The following DTNB variants were observed in gnomAD, a reference collection of about 807,000 sequenced individuals.
DTNB encodes DTN-B.
DTNB carries 63 observed loss-of-function variants against 90.7 expected under a neutral mutation model. The ratio of observed to expected loss-of-function variants is 0.69; its 90% CI spans 0.57 to 0.86. The LOEUF is 0.86. DTNB is among the 40% of genes least tolerant of loss of function. The pLI, the probability that DTNB is intolerant of heterozygous loss-of-function variation, is 0.00. For synonymous variants in DTNB, 277 were observed against 286.7 expected (o/e 0.97, Z 0.34); for missense variants, 744 against 807.1 (o/e 0.92, Z 0.95).
At chr2:25,601,861 C>T (rs2065953653) in intron 5 of DTNB, among the ~76,000 whole-genome samples, 2 of 152,116 alleles carry the variant, frequency 1.3e-5, no homozygotes, top group Admixed American at 6.5e-5. Context: ...GTGGCTCATG[C>T]CTGTAATTCT....
At chr2:25,448,928 T>C (rs1056455381) in intron 12 of DTNB, among the ~76,000 whole-genome samples, 1 of 151,776 alleles carries the variant, frequency 6.6e-6, no homozygotes, top group African/African-American at 2.4e-5. Context: ...CCCACACCCC[T>C]ATTGAAATGT....
intron 14 of DTNB, 197 bp from the exon 15 acceptor site, chr2:25,427,828 A>G (rs2052372285): frequency 4.4e-6 from 2 of 452,986 alleles, no homozygotes; most frequent in Middle Eastern, 3.1e-4. Context: ...AATAATAGGT[A>G]AAAGTGCTTT....
chr2:25,473,601 A>T (rs1271151822), intron 10 of DTNB, among the ~76,000 whole-genome samples: 1 of 152,196 alleles, frequency 6.6e-6, no homozygotes, highest in Non-Finnish European at 1.5e-5. Flanking sequence ...TATGCATGTC[A>T]GGTTCTACTG....
intron 2 of DTNB, among the ~76,000 whole-genome samples, chr2:25,648,150 T>C (rs1225464032): frequency 6.6e-6 from 1 of 152,124 alleles, no homozygotes; most frequent in Non-Finnish European, 1.5e-5. Flanking sequence ...GGCACCAGAG[T>C]TGAGGATTAC....
rs2074784438 is a variant in DTNB, at chr2:25,628,102, G to A, written c.362+69C>T. On this transcript the variant is annotated intron_variant, in intron 4 of 20. Coordinates refer to ENST00000406818, the MANE Select transcript of DTNB (RefSeq NM_021907.5). ...GCAAGGCAACTTAGCACGGCAGTAT[G>A]GAAGAAGAATGATTCAGAGACAGGT... 3.3e-6 allele frequency: 5 copies of A among 1,521,450 alleles called. No homozygotes were observed. The South Asian group carries it at 5.8e-5, about 18-fold the overall frequency. The allele number at this position is 1,521,450 out of a possible 1,614,324, so 94.2% of individuals were successfully genotyped here. A position where few individuals can be genotyped will look rare whatever the true frequency, so the allele number is the denominator to read the frequency against.
chr2:25,595,974 C>T (rs1389504173), intron 6 of DTNB, 112 bp downstream of exon 6: 1 of 916,938 alleles, frequency 1.1e-6, no homozygotes, highest in African/African-American at 2.1e-5. Context: ...AAGCTTTTTT[C>T]CTCCCCTACT....
At chr2:25,431,895 CTAAAA>C (rs1295429883) in intron 14 of DTNB, among the ~76,000 whole-genome samples, 1 of 152,138 alleles carries the variant, frequency 6.6e-6, no homozygotes, top group African/African-American at 2.4e-5. Flanking sequence ...CATTGAGAAA[CTAAAA>C]TAAGTTTTTA....
At chr2:25,575,941 A>G (rs989390269) in intron 8 of DTNB, among the ~76,000 whole-genome samples, 7 of 152,244 alleles carry the variant, frequency 4.6e-5, no homozygotes, top group Non-Finnish European at 1.0e-4. Flanking sequence ...TACATAATTT[A>G]TAAGAACCAC....
intron 12 of DTNB, among the ~76,000 whole-genome samples, chr2:25,447,128 TAGGTCTTTAGAAATCTTAAA>T (rs761378056): frequency 3.9e-5 from 6 of 152,234 alleles, no homozygotes; most frequent in Non-Finnish European, 8.8e-5. Flanking sequence ...TTCCTTCTTT[TAGGTCTTTAGAAATCTTAAA>T]CATAGCTATT....
chr2:25,542,629 C>G (rs1337313258), intron 8 of DTNB, among the ~76,000 whole-genome samples: 2 of 152,118 alleles, frequency 1.3e-5, no homozygotes, highest in African/African-American at 2.4e-5. Context: ...TGCTGAAATT[C>G]ACAAAAAGTC....
intron 14 of DTNB, among the ~76,000 whole-genome samples, chr2:25,431,923 T>C (rs1177705136): frequency 6.6e-6 from 1 of 151,936 alleles, no homozygotes; most frequent in Non-Finnish European, 1.5e-5. Context: ...AGAACGAAAA[T>C]CTCTATACAT....
At chr2:25,423,417 T>C (rs1354428890) in intron 15 of DTNB, among the ~76,000 whole-genome samples, 1 of 152,256 alleles carries the variant, frequency 6.6e-6, no homozygotes, top group African/African-American at 2.4e-5. Flanking sequence ...ACTTCTTATG[T>C]ATGCTTCTTT....
chr2:25,478,945 C>T (rs2064326310), intron 10 of DTNB, among the ~76,000 whole-genome samples: 1 of 152,204 alleles, frequency 6.6e-6, no homozygotes, highest in African/African-American at 2.4e-5. Context: ...CGGAGAGAGG[C>T]AGCTCGGAGA....
intron 4 of DTNB, among the ~76,000 whole-genome samples, chr2:25,612,850 C>G (rs957521844): frequency 2.0e-5 from 3 of 152,122 alleles, no homozygotes; most frequent in Admixed American, 6.5e-5. Context: ...TTGAAAAACA[C>G]AAACCACCAA....
chr2:25,566,819 A>G (rs758139589), intron 8 of DTNB, among the ~76,000 whole-genome samples: 1 of 152,222 alleles, frequency 6.6e-6, no homozygotes, highest in Non-Finnish European at 1.5e-5. Flanking sequence ...TGTGCAGAGA[A>G]GCAGTTGAAA....
At chr2:25,479,889 T>C (rs1469167514) in intron 10 of DTNB, among the ~76,000 whole-genome samples, 1 of 152,200 alleles carries the variant, frequency 6.6e-6, no homozygotes, top group Non-Finnish European at 1.5e-5. Flanking sequence ...GAGTAGCTGC[T>C]CTATCTCCGC....
chr2:25,448,949 T>C (rs563384316), intron 12 of DTNB, among the ~76,000 whole-genome samples: 2 of 152,116 alleles, frequency 1.3e-5, no homozygotes, highest in Non-Finnish European at 2.9e-5. Flanking sequence ...GGAATATTTC[T>C]ATCAAGTCAG....
chr2:25,511,363 G>A (rs946055603), intron 9 of DTNB, among the ~76,000 whole-genome samples: 7 of 151,668 alleles, frequency 4.6e-5, no homozygotes, highest in South Asian at 2.1e-4. Flanking sequence ...ATGGAGTTTC[G>A]TTCTTGCTGG....
intron 12 of DTNB, among the ~76,000 whole-genome samples, chr2:25,438,325 C>CA (rs762883100): frequency 6.6e-6 from 1 of 152,126 alleles, no homozygotes; most frequent in Non-Finnish European, 1.5e-5. Context: ...ACACAAATCA[C>CA]AAAAAAATCT....
Sources: allele counts gnomAD v4.1 joint callset (sites outside exome capture counted in the v4.1 genomes callset), GRCh38; gene constraint gnomAD v4.1.1; transcripts MANE v1.5; gene names NCBI Gene and HGNC (gene_info 2026-07-23, HGNC 2026-07-21).